Variants in ENTREP2 observed in about 807,000 individuals in gnomAD.
ENTREP2 encodes protein ENTREP2.
the ENTREP2 span, among the ~76,000 whole-genome samples, chr15:29,126,876 G>A: frequency 6.6e-6 from 1 of 152,202 alleles, no homozygotes; most frequent in South Asian, 2.1e-4. Flanking sequence ...GCCCGCCCTT[G>A]CAGGGGTGCA....
the ENTREP2 span, among the ~76,000 whole-genome samples, chr15:29,505,341 A>G: frequency 6.6e-6 from 1 of 152,222 alleles, no homozygotes; most frequent in Admixed American, 6.5e-5. The surrounding 1 kb of genome is among the most constrained non-coding windows in gnomAD (Gnocchi z 4.3). Flanking sequence ...CAGCAGACTT[A>G]AATATTCCTG....
At chr15:29,552,415 A>C in the ENTREP2 span, among the ~76,000 whole-genome samples, 20 of 152,166 alleles carry the variant, frequency 1.3e-4, no homozygotes, top group African/African-American at 4.6e-4. Context: ...ACCAGAAGGG[A>C]AACAGTACAC....
the ENTREP2 span, among the ~76,000 whole-genome samples, chr15:29,566,672 G>A: frequency 6.6e-6 from 1 of 151,962 alleles, no homozygotes; most frequent in South Asian, 2.1e-4. Context: ...GGCCAGGCTG[G>A]TCTCCAACTC....
the ENTREP2 span, among the ~76,000 whole-genome samples, chr15:29,447,831 G>A: frequency 6.6e-6 from 1 of 152,138 alleles, no homozygotes; most frequent in Non-Finnish European, 1.5e-5. Context: ...GGGAGGCCAA[G>A]GCAGGTGGAT....
chr15:29,129,303 G>A, the ENTREP2 span, among the ~76,000 whole-genome samples: 1 of 152,096 alleles, frequency 6.6e-6, no homozygotes, highest in Non-Finnish European at 1.5e-5. Flanking sequence ...GACCTCAGGC[G>A]ATCCGCCTGC....
chr15:29,601,710 T>C, the ENTREP2 span, among the ~76,000 whole-genome samples: 1 of 152,196 alleles, frequency 6.6e-6, no homozygotes, highest in South Asian at 2.1e-4. Context: ...TGTACTTTCA[T>C]CTTTGTTGGC....
At chr15:29,139,634 G>A in the ENTREP2 span, among the ~76,000 whole-genome samples, 2,164 of 152,302 alleles carry the variant, frequency 0.014, 52 homozygotes, top group African/African-American at 0.05. Flanking sequence ...GACCCTCTCC[G>A]CAGGTGCAAG....
chr15:29,491,696 G>C, the ENTREP2 span, among the ~76,000 whole-genome samples: 1 of 152,132 alleles, frequency 6.6e-6, no homozygotes, highest in African/African-American at 2.4e-5. Flanking sequence ...AAAGTTGTTG[G>C]GAGAAGGTAA....
At chr15:29,451,296 C>T in the ENTREP2 span, among the ~76,000 whole-genome samples, 12 of 152,132 alleles carry the variant, frequency 7.9e-5, no homozygotes, top group African/African-American at 2.7e-4. Flanking sequence ...CCTCGGCCCT[C>T]GCCTCTCGCC....
chr15:29,202,642 C>CA, the ENTREP2 span, among the ~76,000 whole-genome samples: 1 of 152,246 alleles, frequency 6.6e-6, no homozygotes, highest in African/African-American at 2.4e-5. Flanking sequence ...CCCTTGCCCC[C>CA]AACCCCTGAC....
chr15:29,170,307 C>CAAAAAAAAAAAAA, the ENTREP2 span, among the ~76,000 whole-genome samples: 1 of 57,380 alleles, frequency 1.7e-5, no homozygotes, highest in South Asian at 7.6e-4. Flanking sequence ...GACTCCATCT[C>CAAAAAAAAAAAAA]AAAAAAAAAA....
the ENTREP2 span, among the ~76,000 whole-genome samples, chr15:29,325,024 T>C: frequency 2.6e-5 from 4 of 152,092 alleles, no homozygotes. Context: ...AAACTAGAAA[T>C]CACTAACAGA....
the ENTREP2 span, among the ~76,000 whole-genome samples, chr15:29,672,280 G>T: frequency 6.6e-6 from 1 of 152,148 alleles, no homozygotes; most frequent in East Asian, 1.9e-4. Context: ...GAGCCACCGC[G>T]CCCGGTTTAC....
At chr15:29,661,493 C>A in the ENTREP2 span, among the ~76,000 whole-genome samples, 1 of 152,162 alleles carries the variant, frequency 6.6e-6, no homozygotes, top group Non-Finnish European at 1.5e-5. Context: ...GCCACCACAC[C>A]CGGCCGAGAA....
At chr15:29,301,057 G>A in the ENTREP2 span, among the ~76,000 whole-genome samples, 1 of 151,812 alleles carries the variant, frequency 6.6e-6, no homozygotes, top group East Asian at 1.9e-4. Context: ...AGGTGGGAAG[G>A]ATGCCTTACT....
chr15:29,606,821 TTTTCTTTCTTTC>T, the ENTREP2 span, among the ~76,000 whole-genome samples: 1 of 151,776 alleles, frequency 6.6e-6, no homozygotes, highest in Non-Finnish European at 1.5e-5. Flanking sequence ...GCATTGAACC[TTTTCTTTCTTTC>T]TTTCTTTCTT....
chr15:29,553,246 A>C, the ENTREP2 span, among the ~76,000 whole-genome samples: 1 of 152,214 alleles, frequency 6.6e-6, no homozygotes, highest in East Asian at 1.9e-4. Flanking sequence ...CAGTGAGCTG[A>C]GATCGCACCA....
At chr15:29,357,770 C>T in the ENTREP2 span, among the ~76,000 whole-genome samples, 4 of 151,086 alleles carry the variant, frequency 2.6e-5, no homozygotes, top group African/African-American at 9.8e-5. Flanking sequence ...ACCCGGGAGG[C>T]GGAGCTTGCA....
At chr15:29,591,832 G>GAGGAGAAGAAGAAGAAGAAGAAGA in the ENTREP2 span, among the ~76,000 whole-genome samples, 24 of 140,096 alleles carry the variant, frequency 1.7e-4, no homozygotes, top group Admixed American at 2.3e-4. Flanking sequence ...CATCTCAAAA[G>GAGGAGAAGAAGAAGAAGAAGAAGA]AGAAGAAGAA....
Sources: gnomAD v4.1 joint callset for allele counts (sites outside exome capture counted in the v4.1 genomes callset) on GRCh38, gnomAD v4.1.1 for gene constraint, Gnocchi (gnomAD v3.1) non-coding constraint, MANE v1.5 for transcripts, NCBI Gene and HGNC (gene_info 2026-07-23, HGNC 2026-07-21) for gene names.